S1PR3: variants seen among roughly 807,000 people sequenced by gnomAD.
The protein encoded by S1PR3 is sphingosine-1-phosphate receptor 3.
A neutral mutation model predicts 13.3 loss-of-function variants in S1PR3; 12 were observed. That is an observed-to-expected ratio of 0.90 (90% CI 0.58 to 1.46). S1PR3 has a LOEUF of 1.46. Ranked by LOEUF, S1PR3 falls within the 40% of genes most tolerant of loss-of-function variation. The probability of loss-of-function intolerance (pLI) is 0.00; values close to 1 mark genes in which losing one functional copy is unlikely to be tolerated. For synonymous variants in S1PR3, 232 were observed against 214.0 expected (o/e 1.08, Z -0.73); for missense variants, 450 against 501.9 (o/e 0.90, Z 0.99).
Position 88,991,496 on chromosome 9 carries a change from G to T in S1PR3, c.-347G>T. On this transcript the variant is annotated 5_prime_UTR_variant, in exon 1 of 2. Coordinates refer to ENST00000358157, the MANE Select transcript of S1PR3 (RefSeq NM_005226.4). The surrounding 1 kb of genome is among the most constrained non-coding windows in gnomAD (Gnocchi z 4.0). ...GGCCGAGGAAGCCGGTTCCGGGGAC[G>T]GGCAACAGGGACTCAGGGACCAGAA... The T allele has an allele frequency of 1.3e-6, 2 of 1,548,084 alleles. No homozygotes were observed. The highest frequency in any genetic ancestry group is 1.7e-4 in the Middle Eastern group (1 of 5,936).
intron 1 of S1PR3, chr9:88,996,240 G>A (rs932136584): frequency 2.6e-5 from 4 of 152,172 alleles, no homozygotes; most frequent in African/African-American, 9.7e-5. Context: ...CAGTGCCTCC[G>A]AGTCATGGTT....
At chr9:88,990,989 A>G (rs1825683295), upstream of S1PR3, 1 of 1,612,746 alleles carries the variant, frequency 6.2e-7, no homozygotes, top group Non-Finnish European at 8.5e-7. Flanking sequence ...GGCCAGTTAC[A>G]AAAGAAATGG....
chr9:89,000,716 A>G (rs1048945309), intron 1 of S1PR3: 1 of 160,670 alleles, frequency 6.2e-6, no homozygotes, highest in Non-Finnish European at 1.4e-5. Context: ...ATGGGTCACC[A>G]GCTCCCATGC....
Position 88,991,497 on chromosome 9 carries a change from G to T in S1PR3, c.-346G>T. ...GCCGAGGAAGCCGGTTCCGGGGACGGGCAACAGGGACTCAGGGACCAGAAG... is the reference window on the plus strand; with the variant it reads ...GCCGAGGAAGCCGGTTCCGGGGACGTGCAACAGGGACTCAGGGACCAGAAG... On this transcript the variant is annotated 5_prime_UTR_variant, in exon 1 of 2. Coordinates refer to ENST00000358157, the MANE Select transcript of S1PR3 (RefSeq NM_005226.4). The surrounding 1 kb of genome is among the most constrained non-coding windows in gnomAD (Gnocchi z 4.0). 3 of 1,548,140 alleles carry T rather than the reference G, an allele frequency of 1.9e-6. No individual in the cohort carries two copies. Among genetic ancestry groups the T allele is most frequent in the Non-Finnish European group, 2.6e-6 (3 of 1,146,046 alleles).
intron 1 of S1PR3, chr9:88,995,566 A>C (rs947750163): frequency 1.2e-5 from 2 of 161,696 alleles, no homozygotes; most frequent in Non-Finnish European, 3.0e-5. Context: ...CCTCCTCGAC[A>C]AAAAAAAAAT....
At chr9:88,992,272 G>GTCTCTCTCTCTC (rs138739828) in intron 1 of S1PR3, 3 of 411,528 alleles carry the variant, frequency 7.3e-6, no homozygotes, top group African/African-American at 2.2e-5. Flanking sequence ...CCAATAGTCA[G>GTCTCTCTCTCTC]TCTCTCTCTC....
Position 89,005,136 on chromosome 9 carries a change from A to G in S1PR3, c.*2799A>G, listed in dbSNP as rs114837647. On this transcript the variant is annotated 3_prime_UTR_variant, in exon 2 of 2. Transcript: ENST00000358157. ...TGTTTCTTAGCATTTCAGGAATTAAACCACATTCAGAACCCCAAATAACCT... is the reference window on the plus strand; with the variant it reads ...TGTTTCTTAGCATTTCAGGAATTAAGCCACATTCAGAACCCCAAATAACCT... 3,853 of 154,298 alleles carry G rather than the reference A, an allele frequency of 0.025. 135 individuals carry two copies. Among genetic ancestry groups the G allele is most frequent in the African/African-American group, 0.075 (3,123 of 41,528 alleles). The allele number at this position is 154,298 out of a possible 1,614,324, so 9.6% of individuals were successfully genotyped here. A position where few individuals can be genotyped will look rare whatever the true frequency, so the allele number is the denominator to read the frequency against.
At position 89,002,022 on chromosome 9, in the gene S1PR3, C is replaced by T; in HGVS notation, c.822C>T (p.Cys274=). 8 of 1,614,096 alleles carry T rather than the reference C, an allele frequency of 5.0e-6. No homozygotes were observed. Among genetic ancestry groups the T allele is most frequent in the Non-Finnish European group, 6.8e-6 (8 of 1,180,016 alleles). ...ATGTGGCCTGCAGGGTGCAGGCGTG[C>T]CCCATCCTCTTCAAGGCTCAGTGGT... is the stretch of plus-strand genomic sequence containing the variant. ...LIDVACRVQA[C]PILFKAQWFI... is the part of the protein sequence containing the mutation. The change falls in exon 2 of 2, where the codon TGC becomes TGT. Residue 274 remains cysteine, a synonymous_variant. Coordinates refer to ENST00000358157, the MANE Select transcript of S1PR3 (RefSeq NM_005226.4).
At chr9:89,001,029 G>C (rs559118157) in intron 1 of S1PR3, 25 bp from the exon 2 acceptor site, 3 of 698,818 alleles carry the variant, frequency 4.3e-6, no homozygotes, top group South Asian at 3.8e-5. Flanking sequence ...ATCAATGGTC[G>C]CTCCCTCTTT....
upstream of S1PR3, chr9:88,990,888 C>A: frequency 1.4e-6 from 2 of 1,382,378 alleles, no homozygotes; most frequent in Non-Finnish European, 2.0e-6. Context: ...ACCAGGCAGG[C>A]GCCGGAGGGG....
At chr9:88,998,700 G>A (rs1455509424) in intron 1 of S1PR3, 1 of 152,194 alleles carries the variant, frequency 6.6e-6, no homozygotes, top group Non-Finnish European at 1.5e-5. Context: ...GTGGCATGCA[G>A]CCTCAGAGAA....
Position 88,991,490 on chromosome 9 carries a change from G to A in S1PR3, c.-353G>A. 6 of 1,547,914 alleles carry A rather than the reference G, an allele frequency of 3.9e-6. No homozygotes were observed. The highest frequency in any genetic ancestry group is 5.2e-6 in the Non-Finnish European group (6 of 1,145,972). On this transcript the variant is annotated 5_prime_UTR_variant, in exon 1 of 2. Transcript: ENST00000358157. The surrounding 1 kb of genome is among the most constrained non-coding windows in gnomAD (Gnocchi z 4.0). The stretch of plus-strand genomic sequence containing the variant: ...GGCAGAGGCCGAGGAAGCCGGTTCC[G>A]GGGACGGGCAACAGGGACTCAGGGA...
upstream of S1PR3, chr9:88,991,147 C>A: frequency 6.2e-7 from 1 of 1,610,432 alleles, no homozygotes. This position sits in a 1 kb window ranked among gnomAD's most constrained non-coding sequence, Gnocchi z 4.0. Context: ...CTCTGGGCGC[C>A]CGGTTTCTGC....
intron 1 of S1PR3, chr9:88,999,049 G>A (rs1825838445): frequency 6.6e-6 from 1 of 152,400 alleles, no homozygotes; most frequent in African/African-American, 2.4e-5. Flanking sequence ...CATCAGCCTG[G>A]ACTTGGAACT....
Position 89,001,866 on chromosome 9 carries a change from G to A in S1PR3, c.666G>A (p.Val222=). 6.2e-7 allele frequency: 1 copy of A among 1,614,222 alleles called. No homozygotes were observed. The highest frequency in any genetic ancestry group is 8.5e-7 in the Non-Finnish European group (1 of 1,180,034). The change falls in exon 2 of 2, where the codon GTG becomes GTA. Residue 222 remains valine, a synonymous_variant. Coordinates refer to ENST00000358157, the MANE Select transcript of S1PR3 (RefSeq NM_005226.4). ...VILYARIYFL[V]KSSSRKVANH... is the part of the protein sequence containing the mutation. ...TCTACGCACGCATCTACTTCCTGGTGAAGTCCAGCAGCCGTAAGGTGGCCA... is the reference window on the plus strand; with the variant it reads ...TCTACGCACGCATCTACTTCCTGGTAAAGTCCAGCAGCCGTAAGGTGGCCA...
Position 89,002,499 on chromosome 9 carries a change from C to A in S1PR3, c.*162C>A. The A allele has an allele frequency of 1.2e-6, 1 of 825,680 alleles. No homozygotes were observed. The highest frequency in any genetic ancestry group is 1.9e-6 in the Non-Finnish European group (1 of 527,760). 51.1% of individuals were successfully genotyped at this position (825,680 alleles called of 1,614,324 possible). A position where few individuals can be genotyped will look rare whatever the true frequency, so the allele number is the denominator to read the frequency against. ...ACAGAGGGGGCCCAAGGAATCACCA[C>A]CCCGCTTCAGTGTAAACAACGTGCC... On this transcript the variant is annotated 3_prime_UTR_variant, in exon 2 of 2. Coordinates refer to ENST00000358157, the MANE Select transcript of S1PR3 (RefSeq NM_005226.4).
chr9:88,991,227 G>C (rs1389836985), upstream of S1PR3: 3 of 1,565,408 alleles, frequency 1.9e-6, no homozygotes, highest in Non-Finnish European at 2.6e-6. The surrounding 1 kb of genome is among the most constrained non-coding windows in gnomAD (Gnocchi z 4.0). Flanking sequence ...GGGCGAGCCG[G>C]ACCCTAGGGG....
rs968403120 is a variant in S1PR3, at chr9:89,004,933, A to G, written c.*2596A>G. 2 of 167,090 alleles carry G rather than the reference A, an allele frequency of 1.2e-5. No individual in the cohort carries two copies. The highest frequency in any genetic ancestry group is 4.8e-5 in the African/African-American group (2 of 41,452). 10.4% of individuals were successfully genotyped at this position (167,090 alleles called of 1,614,324 possible). On this transcript the variant is annotated 3_prime_UTR_variant, in exon 2 of 2. Transcript: ENST00000358157. ...AAACTATGCATTAGGTCTCTTTTCAATTAGAAACCTTTACTATTTCCAATG... is the reference window on the plus strand; with the variant it reads ...AAACTATGCATTAGGTCTCTTTTCAGTTAGAAACCTTTACTATTTCCAATG...
chr9:88,991,066 C>T (rs145434754), upstream of S1PR3: 7,128 of 1,613,526 alleles, frequency 4.4e-3, 32 homozygotes, highest in Non-Finnish European at 5.2e-3. This position sits in a 1 kb window ranked among gnomAD's most constrained non-coding sequence, Gnocchi z 4.0. Context: ...AACAAACCCT[C>T]GCTGTCAGGG....
Sources: gnomAD v4.1 joint callset for allele counts on GRCh38, gnomAD v4.1.1 for gene constraint, Gnocchi (gnomAD v3.1) non-coding constraint, MANE v1.5 for transcripts, NCBI Gene and HGNC (gene_info 2026-07-23, HGNC 2026-07-21) for gene names.